DPP10: variants seen among roughly 807,000 people sequenced by gnomAD.
The protein encoded by DPP10 is dipeptidyl peptidase like 10, also known as inactive dipeptidyl peptidase 10.
DPP10 carries 33 observed loss-of-function variants against 120.9 expected under a neutral mutation model. That is an observed-to-expected ratio of 0.27 (90% CI 0.21 to 0.37). The LOEUF (loss-of-function observed/expected upper bound fraction) is 0.37, where lower values mean the gene tolerates loss of function less well. Ranked by LOEUF, DPP10 falls within the 10% of genes least tolerant of loss-of-function variation. The probability of loss-of-function intolerance (pLI) is 1.00; values close to 1 mark genes in which losing one functional copy is unlikely to be tolerated. For missense variants in DPP10, 816 were observed against 942.8 expected, an observed-to-expected ratio of 0.87 and a Z score of 1.76; for synonymous variants, 337 against 326.1, an observed-to-expected ratio of 1.03 and a Z score of -0.36.
At chr2:115,694,264 A>G (rs1037881421) in intron 7 of DPP10, among the ~76,000 whole-genome samples, 1 of 151,352 alleles carries the variant, frequency 6.6e-6, no homozygotes, top group Non-Finnish European at 1.5e-5. Context: ...AGTCATTACA[A>G]TACTTTAATT....
intron 1 of DPP10, among the ~76,000 whole-genome samples, chr2:114,916,409 T>C (rs954166806): frequency 1.3e-5 from 2 of 152,172 alleles, no homozygotes; most frequent in Non-Finnish European, 2.9e-5. Flanking sequence ...GAAGATCTCA[T>C]ACCAAATCTA....
chr2:114,665,674 T>C (rs1697869166), intron 1 of DPP10, among the ~76,000 whole-genome samples: 1 of 152,196 alleles, frequency 6.6e-6, no homozygotes. Flanking sequence ...ATTGTTATTG[T>C]AAACTGAAAT....
At chr2:114,785,310 G>T (rs1682674728) in intron 1 of DPP10, among the ~76,000 whole-genome samples, 1 of 151,722 alleles carries the variant, frequency 6.6e-6, no homozygotes, top group Admixed American at 6.6e-5. Context: ...GGTGAGAAGT[G>T]GCTGTTTCTA....
chr2:115,287,060 T>G (rs901487750), intron 1 of DPP10, among the ~76,000 whole-genome samples: 1 of 152,034 alleles, frequency 6.6e-6, no homozygotes, highest in Admixed American at 6.6e-5. Flanking sequence ...ATTGGATTGC[T>G]TCACTAGGGA....
intron 5 of DPP10, among the ~76,000 whole-genome samples, chr2:115,593,004 G>A (rs1300533702): frequency 6.6e-6 from 1 of 152,290 alleles, no homozygotes; most frequent in African/African-American, 2.4e-5. Flanking sequence ...CACATTAAAA[G>A]CCAAGCTGAT....
chr2:115,322,186 T>A (rs930734704), intron 2 of DPP10, among the ~76,000 whole-genome samples: 5 of 152,132 alleles, frequency 3.3e-5, no homozygotes, highest in African/African-American at 1.2e-4. Context: ...CTTTTCTGGG[T>A]GGGCTTTTGT....
intron 1 of DPP10, among the ~76,000 whole-genome samples, chr2:115,110,421 C>T (rs1056340142): frequency 3.9e-5 from 6 of 152,012 alleles, no homozygotes; most frequent in African/African-American, 1.4e-4. Flanking sequence ...AGCAATTTTC[C>T]CAGGAGAAGT....
At chr2:114,994,484 A>G (rs1327139060) in intron 1 of DPP10, among the ~76,000 whole-genome samples, 2 of 152,008 alleles carry the variant, frequency 1.3e-5, no homozygotes, top group Non-Finnish European at 2.9e-5. Flanking sequence ...CCTTTATGCA[A>G]GCATCCCCCT....
intron 1 of DPP10, among the ~76,000 whole-genome samples, chr2:114,868,959 C>T (rs1690457739): frequency 6.6e-6 from 1 of 151,996 alleles, no homozygotes; most frequent in Non-Finnish European, 1.5e-5. Flanking sequence ...GAATGCCTAC[C>T]TCACAAGGGC....
At chr2:115,285,110 G>T (rs1445887348) in intron 1 of DPP10, among the ~76,000 whole-genome samples, 1 of 152,016 alleles carries the variant, frequency 6.6e-6, no homozygotes, top group Non-Finnish European at 1.5e-5. Flanking sequence ...GGAATTCTGT[G>T]AATGAGAAAG....
At chr2:114,911,326 T>C (rs956274856) in intron 1 of DPP10, among the ~76,000 whole-genome samples, 4 of 152,196 alleles carry the variant, frequency 2.6e-5, no homozygotes, top group African/African-American at 9.6e-5. Context: ...CCCTAATGAA[T>C]CCATTTACTC....
intron 3 of DPP10, among the ~76,000 whole-genome samples, chr2:115,379,199 G>C (rs2066077592): frequency 6.6e-6 from 1 of 152,104 alleles, no homozygotes; most frequent in African/African-American, 2.4e-5. Context: ...TTTTTGGTAG[G>C]TAAGCTATTG....
chr2:115,443,535 A>G (rs1412164246), intron 3 of DPP10, among the ~76,000 whole-genome samples: 1 of 152,204 alleles, frequency 6.6e-6, no homozygotes, highest in East Asian at 1.9e-4. Flanking sequence ...CAGACATTAC[A>G]TTTATGATTA....
chr2:114,503,993 A>G (rs1683420517), intron 1 of DPP10, among the ~76,000 whole-genome samples: 2 of 152,220 alleles, frequency 1.3e-5, no homozygotes, highest in South Asian at 4.1e-4. Flanking sequence ...TGGAATAGAT[A>G]TGTTTTAACC....
intron 7 of DPP10, among the ~76,000 whole-genome samples, chr2:115,718,592 G>C (rs2092564747): frequency 6.6e-6 from 1 of 151,950 alleles, no homozygotes; most frequent in African/African-American, 2.4e-5. Context: ...ATATTAGGCA[G>C]TAACATTTTC....
chr2:115,797,371 A>G lies in DPP10; in HGVS notation c.1700+6015A>G, dbSNP rs576663100. Among the ~76,000 whole-genome samples the G allele has an allele frequency of 2.0e-5, 3 of 152,200 alleles. No individual in the cohort carries two copies. In the East Asian group the frequency reaches 5.8e-4, roughly 29 times the overall value. On this transcript the variant is annotated intron_variant, in intron 19 of 25. Coordinates refer to ENST00000410059, the MANE Select transcript of DPP10 (RefSeq NM_020868.6). ...GTTTCCCAAGGATGAAGACATATATATTCCAATAACTTCCAACATCATTTG... is the reference window on the plus strand; with the variant it reads ...GTTTCCCAAGGATGAAGACATATATGTTCCAATAACTTCCAACATCATTTG...
intron 1 of DPP10, among the ~76,000 whole-genome samples, chr2:114,885,167 G>T (rs1373992524): frequency 6.6e-6 from 1 of 152,204 alleles, no homozygotes; most frequent in Non-Finnish European, 1.5e-5. Flanking sequence ...GAAGCATGCT[G>T]CTGGCATCTA....
chr2:114,875,587 A>C (rs923504072), intron 1 of DPP10, among the ~76,000 whole-genome samples: 1 of 152,174 alleles, frequency 6.6e-6, no homozygotes, highest in Non-Finnish European at 1.5e-5. Context: ...AAAAGAAGTA[A>C]GGCAGTTCAG....
rs2105001048 is a variant in DPP10 at position 114,569,336 on chromosome 2, T to C, written c.60+126498T>C. On this transcript the variant is annotated intron_variant, in intron 1 of 25. Coordinates refer to ENST00000410059, the MANE Select transcript of DPP10 (RefSeq NM_020868.6). ...TTGGGCTTAAATTGCTGCTAAGTCA[T>C]TCCCCGAGGGAAATCTGGAGTGAGT... is the stretch of plus-strand genomic sequence containing the variant. 1.3e-5 allele frequency among the ~76,000 whole-genome samples: 2 copies of C among 152,338 alleles called. 1 individual carries two copies. The highest frequency in any genetic ancestry group is 4.1e-4 in the South Asian group (2 of 4,822).
Sources: allele counts gnomAD v4.1 joint callset (sites outside exome capture counted in the v4.1 genomes callset), GRCh38; gene constraint gnomAD v4.1.1; transcripts MANE v1.5; gene names NCBI Gene and HGNC (gene_info 2026-07-23, HGNC 2026-07-21).